CDK14: variants seen among roughly 807,000 people sequenced by gnomAD.
The protein encoded by CDK14 is cyclin dependent kinase 14.
In CDK14, 34 loss-of-function variants were observed where a neutral mutation model predicts 60.7. The ratio of observed to expected loss-of-function variants is 0.56; its 90% confidence interval spans 0.43 to 0.75. The LOEUF is 0.75. Among genes scored for constraint, CDK14 ranks in the 30% least tolerant of loss-of-function variants. The pLI is 0.00. For missense variants in CDK14, 482 were observed against 564.1 expected, an observed-to-expected ratio of 0.85 and a Z score of 1.47; for synonymous variants, 197 against 203.7, an observed-to-expected ratio of 0.97 and a Z score of 0.28.
intron 2 of CDK14, among the ~76,000 whole-genome samples, chr7:90,646,553 A>G (rs1009728446): frequency 4.6e-5 from 7 of 152,182 alleles, no homozygotes; most frequent in African/African-American, 1.7e-4. Context: ...AGTTTTCCTC[A>G]TGCTCCCAAG....
intron 12 of CDK14, among the ~76,000 whole-genome samples, chr7:91,090,996 T>TTG (rs4015335): frequency 2.6e-4 from 39 of 150,382 alleles, no homozygotes; most frequent in East Asian, 5.9e-4. Context: ...TTGGTTTTGT[T>TTG]TGTGTGTGTG....
Position 91,188,191 on chromosome 7 carries a change from T to A in CDK14, c.*29-18974T>A, listed in dbSNP as rs114431478. Among the ~76,000 whole-genome samples, 377 of 152,158 alleles carry A rather than the reference T, an allele frequency of 2.5e-3. 1 individual carries two copies. Among genetic ancestry groups the A allele is most frequent in the African/African-American group, 8.2e-3 (341 of 41,516 alleles). ...GGTTACTGTGTGATTCATTTTTTTT[T>A]AAAAAAAAAGAACTTTGATTTCTTG... is the stretch of plus-strand genomic sequence containing the variant. On this transcript the variant is annotated intron_variant, in intron 14 of 14. Coordinates refer to ENST00000380050, the MANE Select transcript of CDK14 (RefSeq NM_001287135.2).
At chr7:90,821,653 A>T (rs1434805729) in intron 5 of CDK14, among the ~76,000 whole-genome samples, 4 of 152,202 alleles carry the variant, frequency 2.6e-5, no homozygotes, top group African/African-American at 9.7e-5. Context: ...GGGCTGTGAG[A>T]TGAGCTCCAC....
chr7:91,141,456 GAGAA>G (rs929346680), intron 14 of CDK14, among the ~76,000 whole-genome samples: 2 of 152,152 alleles, frequency 1.3e-5, no homozygotes, highest in African/African-American at 4.8e-5. Context: ...GCAACAGAGA[GAGAA>G]AGAGAGATAG....
rs1211091479 is a variant in CDK14 at position 91,208,761 on chromosome 7, G to C, written c.*1625G>C. ...AATTCCTAAACTTTAAAATGGTACT[G>C]TCTGCGGAGTGGAGTATGGATGGTT... On this transcript the variant is annotated 3_prime_UTR_variant, in exon 15 of 15. Transcript: ENST00000380050. 6.6e-6 allele frequency: 1 copy of C among 152,532 alleles called. No homozygotes were observed. Among genetic ancestry groups the C allele is most frequent in the Non-Finnish European group, 1.5e-5 (1 of 68,042 alleles). 9.4% of individuals were successfully genotyped at this position (152,532 alleles called of 1,614,324 possible).
At chr7:90,604,645 G>A (rs1439322969) in intron 2 of CDK14, among the ~76,000 whole-genome samples, 1 of 152,162 alleles carries the variant, frequency 6.6e-6, no homozygotes, top group Admixed American at 6.5e-5. Context: ...GTGATGTGTT[G>A]TCGATGCCAC....
In CDK14 at chr7:90,642,924, C is replaced by T. The variant is rs576134094; in HGVS notation, c.123+38675C>T. On this transcript the variant is annotated intron_variant, in intron 2 of 14. Transcript: ENST00000380050. ...TAAATGAACTCATACTGAATACCCA[C>T]TCTGTGTCAAAACTTGTACCAGATA... Among the ~76,000 whole-genome samples, 15 of 152,332 alleles carry T rather than the reference C, an allele frequency of 9.8e-5. 1 individual carries two copies. Among genetic ancestry groups the T allele is most frequent in the Middle Eastern group, 3.4e-3 (1 of 294 alleles).
intron 10 of CDK14, among the ~76,000 whole-genome samples, chr7:91,000,822 G>C (rs1222947473): frequency 6.6e-6 from 1 of 152,144 alleles, no homozygotes; most frequent in African/African-American, 2.4e-5. Context: ...TTATGCTTTG[G>C]GAAGTTCAGG....
At chr7:91,034,964 A>T (rs1007039773) in intron 10 of CDK14, among the ~76,000 whole-genome samples, 2 of 151,698 alleles carry the variant, frequency 1.3e-5, no homozygotes, top group African/African-American at 4.8e-5. Flanking sequence ...ACACACACAC[A>T]CACACACACA....
Position 90,736,344 on chromosome 7 carries a change from G to GTTTTTTT in CDK14, c.369+9537_369+9538insTTTTTTT, listed in dbSNP as rs1245652024. 2.1e-3 allele frequency among the ~76,000 whole-genome samples: 88 copies of GTTTTTTT among 41,020 alleles called. 5 individuals are homozygous for GTTTTTTT. The highest frequency in any genetic ancestry group is 6.5e-3 in the African/African-American group (73 of 11,160). The allele number at this position is 41,020 out of a possible 152,430, so 26.9% of individuals were successfully genotyped here. A position where few individuals can be genotyped will look rare whatever the true frequency, so the allele number is the denominator to read the frequency against. On this transcript the variant is annotated intron_variant, in intron 3 of 14. Transcript: ENST00000380050. ...GTGATAAGAAGGGGTACTTTATTAT[G>GTTTTTTT]TTTTTGTTTTTTTTTTTTTTTTTTT...
chr7:90,835,822 A>T (rs1362944894), intron 5 of CDK14, among the ~76,000 whole-genome samples: 2 of 152,188 alleles, frequency 1.3e-5, no homozygotes, highest in Non-Finnish European at 2.9e-5. Context: ...TAATATAAAA[A>T]TATAGATGGT....
intron 12 of CDK14, among the ~76,000 whole-genome samples, chr7:91,095,471 C>T (rs1466210614): frequency 1.3e-5 from 2 of 152,236 alleles, no homozygotes; most frequent in Non-Finnish European, 2.9e-5. Flanking sequence ...ACCAATTTCA[C>T]TTGTTAGTAT....
At chr7:91,130,672 C>T (rs756439694) in intron 14 of CDK14, among the ~76,000 whole-genome samples, 15 of 152,110 alleles carry the variant, frequency 9.9e-5, no homozygotes, top group Non-Finnish European at 1.9e-4. Context: ...AATCCCTATT[C>T]TTGTGTTCAC....
Position 90,924,408 on chromosome 7 carries a change from C to T in CDK14, c.826+6684C>T, listed in dbSNP as rs892646990. Among the ~76,000 whole-genome samples the T allele has an allele frequency of 1.9e-4, 28 of 150,112 alleles. 2 individuals carry two copies. Among genetic ancestry groups the T allele is most frequent in the Non-Finnish European group, 1.5e-5 (1 of 67,518 alleles). On this transcript the variant is annotated intron_variant, in intron 8 of 14. Coordinates refer to ENST00000380050, the MANE Select transcript of CDK14 (RefSeq NM_001287135.2). ...GTTTCAACTTGAGTTTTGGTGGGGA[C>T]AAACATTCAGTAAGTGTAAACGTTA... is the stretch of plus-strand genomic sequence containing the variant.
chr7:91,168,170 G>A (rs534876854), intron 14 of CDK14, among the ~76,000 whole-genome samples: 28 of 151,534 alleles, frequency 1.8e-4, no homozygotes, highest in African/African-American at 5.8e-4. Context: ...ACTGAGGCAG[G>A]AGAATTGCTT....
At chr7:90,948,801 CTT>C (rs985131097) in intron 8 of CDK14, among the ~76,000 whole-genome samples, 1 of 152,212 alleles carries the variant, frequency 6.6e-6, no homozygotes, top group Non-Finnish European at 1.5e-5. Context: ...GCTTAAGTCA[CTT>C]AATCAAGGAG....
At chr7:90,624,318 T>A (rs1336218247) in intron 2 of CDK14, among the ~76,000 whole-genome samples, 1 of 152,190 alleles carries the variant, frequency 6.6e-6, no homozygotes, top group East Asian at 1.9e-4. Flanking sequence ...CCTAGCAATG[T>A]GGATTTCGAA....
At chr7:91,014,997 TTATTAGCATACTTAG>T (rs1254865297) in intron 10 of CDK14, among the ~76,000 whole-genome samples, 1 of 152,228 alleles carries the variant, frequency 6.6e-6, no homozygotes, top group Non-Finnish European at 1.5e-5. Flanking sequence ...CTAATTTTCC[TTATTAGCATACTTAG>T]TATTTTTCTC....
At chr7:91,023,392 C>T (rs1423249328) in intron 10 of CDK14, among the ~76,000 whole-genome samples, 1 of 152,058 alleles carries the variant, frequency 6.6e-6, no homozygotes, top group Non-Finnish European at 1.5e-5. Context: ...GAAGATTTTT[C>T]AAAGAGACAA....
Sources: allele counts gnomAD v4.1 joint callset (sites outside exome capture counted in the v4.1 genomes callset), GRCh38; gene constraint gnomAD v4.1.1; transcripts MANE v1.5; gene names NCBI Gene and HGNC (gene_info 2026-07-23, HGNC 2026-07-21).